The following MPHOSPH8 variants were observed in gnomAD, a reference collection of about 807,000 sequenced individuals.
MPHOSPH8 encodes the protein M-phase phosphoprotein, mpp.
A neutral mutation model predicts 87.3 loss-of-function variants in MPHOSPH8; 45 were observed. The ratio of observed to expected loss-of-function variants is 0.52; its 90% confidence interval spans 0.41 to 0.66. MPHOSPH8 has a LOEUF of 0.66. MPHOSPH8 is among the 30% of genes least tolerant of loss of function. The probability of loss-of-function intolerance (pLI) is 0.00; values close to 1 mark genes in which losing one functional copy is unlikely to be tolerated. For synonymous variants in MPHOSPH8, 366 were observed against 376.9 expected, an observed-to-expected ratio of 0.97 and a Z score of 0.33; for missense variants, 883 against 1,020.2, an observed-to-expected ratio of 0.87 and a Z score of 1.83.
intron 2 of MPHOSPH8, 45 bp downstream of exon 2, chr13:19,642,315 T>C: frequency 1.4e-6 from 2 of 1,446,570 alleles, no homozygotes; most frequent in Non-Finnish European, 1.9e-6. Context: ...CATAAATTTA[T>C]TGTAAATTTT....
At chr13:19,654,480 AAAG>A (rs1204869186) in intron 5 of MPHOSPH8, among the ~76,000 whole-genome samples, 1 of 152,232 alleles carries the variant, frequency 6.6e-6, no homozygotes, top group African/African-American at 2.4e-5. Context: ...GTAATAAAAA[AAAG>A]AACGTGGAAT....
At chr13:19,657,006 C>T (rs1875219741) in intron 5 of MPHOSPH8, among the ~76,000 whole-genome samples, 1 of 148,102 alleles carries the variant, frequency 6.8e-6, no homozygotes, top group African/African-American at 2.5e-5. Flanking sequence ...CCTGTGGTCC[C>T]AGCTACTCAG....
At chr13:19,653,522 A>C (rs1274137269) in intron 5 of MPHOSPH8, among the ~76,000 whole-genome samples, 1 of 152,170 alleles carries the variant, frequency 6.6e-6, no homozygotes, top group Non-Finnish European at 1.5e-5. Flanking sequence ...AAAGGATCAC[A>C]ACTCCTCGCC....
At chr13:19,660,200 C>A (rs917023726) in intron 7 of MPHOSPH8, among the ~76,000 whole-genome samples, 3 of 151,478 alleles carry the variant, frequency 2.0e-5, no homozygotes, top group African/African-American at 7.3e-5. Context: ...GATCTCCTGA[C>A]CTTGTGATCT....
At chr13:19,648,390 C>T (rs1325544286) in intron 3 of MPHOSPH8, 32 bp from the exon 4 acceptor site, 2 of 1,380,120 alleles carry the variant, frequency 1.4e-6, no homozygotes. Context: ...ACTCTTTATC[C>T]ATTCTTGTTT....
rs750073057 is a variant in MPHOSPH8, at chr13:19,633,837, G to A, written c.89G>A (p.Gly30Glu). 4.3e-6 allele frequency: 7 copies of A among 1,610,992 alleles called. No individual in the cohort carries two copies. Among genetic ancestry groups the A allele is most frequent in the Non-Finnish European group, 5.9e-6 (7 of 1,178,900 alleles). Residue 30 changes from glycine (G) to glutamate (E), a missense_variant, in exon 1 of 14, where the codon GGA (glycine) becomes GAA (glutamate). Coordinates refer to ENST00000361479, the MANE Select transcript of MPHOSPH8 (RefSeq NM_017520.4). ...GAGGAGTTGGCCGAAGTCGAAGAAG[G>A]AGTTGGAGTAGTGGGCGAAGATAAT... ...STEELAEVEE[G>E]VGVVGEDNDA...
chr13:19,663,188 C>G (rs1490440215), intron 9 of MPHOSPH8, 62 bp downstream of exon 9: 1 of 1,370,108 alleles, frequency 7.3e-7, no homozygotes, highest in East Asian at 2.3e-5. Flanking sequence ...GTGTTGGCAT[C>G]TGCCACTGCC....
chr13:19,640,030 C>T (rs954095975), intron 1 of MPHOSPH8, among the ~76,000 whole-genome samples: 3 of 151,968 alleles, frequency 2.0e-5, no homozygotes, highest in Admixed American at 6.6e-5. Context: ...CACTTGAACC[C>T]GGGAGGCGGA....
intron 12 of MPHOSPH8, chr13:19,670,850 GCT>G (rs1565945600): frequency 3.5e-6 from 4 of 1,141,290 alleles, no homozygotes; most frequent in Admixed American, 6.3e-5. Context: ...ACAGGGTCTC[GCT>G]CTGTTGTCCA....
intron 7 of MPHOSPH8, 116 bp from the exon 8 acceptor site, chr13:19,661,582 G>A: frequency 9.5e-7 from 1 of 1,052,404 alleles, no homozygotes; most frequent in Non-Finnish European, 1.3e-6. Context: ...CTAAGTAGAT[G>A]CCTAAATCAG....
chr13:19,645,864 A>G (rs1372194528), intron 2 of MPHOSPH8, among the ~76,000 whole-genome samples: 1 of 152,032 alleles, frequency 6.6e-6, no homozygotes, highest in African/African-American at 2.4e-5. Context: ...TTGTGTTTAT[A>G]CGAGTACTTT....
rs1249609474 is a variant in MPHOSPH8 at position 19,646,715 on chromosome 13, A to G, written c.642A>G (p.Lys214=). The change falls in exon 3 of 14, where the codon AAA becomes AAG. Residue 214 remains lysine (K), a synonymous_variant. Transcript: ENST00000361479. ...SEAKEELKES[K]KPKKDEVKET... ...CCAAAGAAGAACTAAAGGAGTCCAA[A>G]AAGCCCAAAAAAGATGAAGTAAAAG... 1 of 1,590,598 alleles carries G rather than the reference A, an allele frequency of 6.3e-7. No individual in the cohort carries two copies. Among genetic ancestry groups the G allele is most frequent in the Non-Finnish European group, 8.5e-7 (1 of 1,173,266 alleles).
rs755202602 is a variant in MPHOSPH8 at position 19,668,430 on chromosome 13, C to T, written c.2228C>T (p.Ala743Val). 4 of 1,614,096 alleles carry T rather than the reference C, an allele frequency of 2.5e-6. No individual in the cohort carries two copies. The South Asian group carries it at 4.4e-5, about 18-fold the overall frequency. ...TIKDYFEARL[A>V]LLEPVFPIAC... ...AAGGATTACTTTGAAGCTCGCCTTG[C>T]TCTGCTAGAACCAGTTTTTCCAATC... The change falls in exon 11 of 14, where the codon GCT becomes GTT. Residue 743 changes from alanine (A) to valine (V), a missense_variant. Transcript: ENST00000361479.
At chr13:19,647,578 T>C (rs1310685376) in intron 3 of MPHOSPH8, among the ~76,000 whole-genome samples, 2 of 152,208 alleles carry the variant, frequency 1.3e-5, no homozygotes, top group Non-Finnish European at 2.9e-5. Context: ...GGTTTATAGC[T>C]TCATCAGCTT....
rs766090704 is a variant in MPHOSPH8, at chr13:19,671,912, C to G, written c.*37C>G. ...GGACTGGGCGGAGTTCTCTTCAGAC[C>G]GATTCCTATACTCTCTTTGACAGCA... is the stretch of plus-strand genomic sequence containing the variant. On this transcript the variant is annotated 3_prime_UTR_variant, in exon 14 of 14. Transcript: ENST00000361479. 2.5e-6 allele frequency: 4 copies of G among 1,600,178 alleles called. No homozygotes were observed. Among genetic ancestry groups the G allele is most frequent in the Admixed American group, 3.3e-5 (2 of 59,944 alleles).
At chr13:19,661,627 G>A in intron 7 of MPHOSPH8, 71 bp from the exon 8 acceptor site, 2 of 1,462,162 alleles carry the variant, frequency 1.4e-6, no homozygotes, top group Non-Finnish European at 1.8e-6. Flanking sequence ...AACATCTCGA[G>A]TGAGAAGACT....
chr13:19,639,265 A>G (rs952647266), intron 1 of MPHOSPH8, among the ~76,000 whole-genome samples: 1 of 149,892 alleles, frequency 6.7e-6, no homozygotes, highest in African/African-American at 2.5e-5. Flanking sequence ...CCTGAGCAGG[A>G]GGATTCTACA....
chr13:19,656,293 A>AAAC (rs1349343954), intron 5 of MPHOSPH8, among the ~76,000 whole-genome samples: 11 of 151,128 alleles, frequency 7.3e-5, no homozygotes, highest in Non-Finnish European at 1.6e-4. Context: ...AAAAAAAAAA[A>AAAC]AAAAAAACTG....
intron 2 of MPHOSPH8, among the ~76,000 whole-genome samples, chr13:19,643,221 C>T (rs888630963): frequency 2.0e-5 from 3 of 152,018 alleles, no homozygotes; most frequent in Non-Finnish European, 2.9e-5. Flanking sequence ...TCAGGTTATA[C>T]GTAGATGTAT....
Sources: gnomAD v4.1 joint callset for allele counts (sites outside exome capture counted in the v4.1 genomes callset) on GRCh38, gnomAD v4.1.1 for gene constraint, MANE v1.5 for transcripts, NCBI Gene and HGNC (gene_info 2026-07-23, HGNC 2026-07-21) for gene names.